The following SLC2A12 variants were observed in gnomAD, a reference collection of about 807,000 sequenced individuals.
SLC2A12 encodes the protein solute carrier family 2 member 12.
Under a neutral mutation model 41.8 loss-of-function variants are expected in SLC2A12, and 23 were observed. The observed-to-expected ratio is 0.55, with a 90% confidence interval of 0.40 to 0.78. The LOEUF (loss-of-function observed/expected upper bound fraction) is 0.78, where lower values mean the gene tolerates loss of function less well. Ranked by LOEUF, SLC2A12 falls within the 30% of genes least tolerant of loss-of-function variation. SLC2A12 has a pLI of 0.00. For synonymous variants in SLC2A12, 295 were observed against 285.9 expected (o/e 1.03, Z -0.32); for missense variants, 654 against 745.6 (o/e 0.88, Z 1.43).
intron 1 of SLC2A12, among the ~76,000 whole-genome samples, chr6:134,043,767 G>A (rs1412757332): frequency 6.7e-6 from 1 of 149,348 alleles, no homozygotes; most frequent in African/African-American, 2.5e-5. Context: ...ACCCTAGCCT[G>A]GCGACAGAGC....
At position 134,011,191 on chromosome 6, in the gene SLC2A12, A is replaced by T. The variant is rs149881460; in HGVS notation, c.1445-4257T>A. Reference sequence around the variant, plus strand: ...AATCCTTGGTTTTTATTGCCTTTGTAAGCGGCACACCTACCTCTCTGACTG... The same window carrying T: ...AATCCTTGGTTTTTATTGCCTTTGTTAGCGGCACACCTACCTCTCTGACTG... On this transcript the variant is annotated intron_variant, in intron 2 of 4. Transcript: ENST00000275230. Among the ~76,000 whole-genome samples the T allele has an allele frequency of 3.2e-3, 490 of 152,270 alleles. 2 individuals are homozygous for T. Among genetic ancestry groups the T allele is most frequent in the African/African-American group, 0.011 (466 of 41,544 alleles).
intron 1 of SLC2A12, among the ~76,000 whole-genome samples, chr6:134,039,386 C>T (rs1352542259): frequency 3.3e-5 from 5 of 152,192 alleles, no homozygotes; most frequent in Non-Finnish European, 1.5e-5. Flanking sequence ...ATGTGGTTTA[C>T]ATCTTTTGCC....
intron 1 of SLC2A12, among the ~76,000 whole-genome samples, chr6:134,033,082 G>T (rs1446392298): frequency 2.0e-5 from 3 of 151,820 alleles, no homozygotes; most frequent in Non-Finnish European, 2.9e-5. Flanking sequence ...CATATAACAT[G>T]TGGGGCACAT....
At chr6:134,048,713 G>A (rs534645874) in intron 1 of SLC2A12, among the ~76,000 whole-genome samples, 1 of 152,264 alleles carries the variant, frequency 6.6e-6, no homozygotes, top group East Asian at 1.9e-4. Context: ...GGGTTTTGAT[G>A]CTTAATTGTT....
chr6:134,037,900 G>A (rs370040122), intron 1 of SLC2A12, among the ~76,000 whole-genome samples: 1 of 152,144 alleles, frequency 6.6e-6, no homozygotes, highest in African/African-American at 2.4e-5. Context: ...TTCTGGTGTG[G>A]TGTTTCCAGC....
intron 4 of SLC2A12, among the ~76,000 whole-genome samples, chr6:133,996,745 A>G (rs910045444): frequency 6.6e-6 from 1 of 152,166 alleles, no homozygotes; most frequent in African/African-American, 2.4e-5. Flanking sequence ...AGTTCACCTC[A>G]GCTTCTGTGC....
Sources: gnomAD v4.1 joint callset for allele counts (sites outside exome capture counted in the v4.1 genomes callset) on GRCh38, gnomAD v4.1.1 for gene constraint, MANE v1.5 for transcripts, NCBI Gene and HGNC (gene_info 2026-07-23, HGNC 2026-07-21) for gene names.